The following CYP27A1 variants were observed in gnomAD, a reference collection of about 807,000 sequenced individuals.
The protein encoded by CYP27A1 is cytochrome P450 family 27 subfamily A member 1.
CYP27A1 carries 46 observed loss-of-function variants against 58.2 expected under a neutral mutation model. The ratio of observed to expected loss-of-function variants is 0.79; its 90% CI spans 0.62 to 1.01. CYP27A1 has a LOEUF of 1.01. Ranked by LOEUF, CYP27A1 falls within the 50% of genes least tolerant of loss-of-function variation. The pLI, the probability that CYP27A1 is intolerant of heterozygous loss-of-function variation, is 0.00. For synonymous variants in CYP27A1, 274 were observed against 285.1 expected (o/e 0.96, Z 0.39); for missense variants, 704 against 687.0 (o/e 1.02, Z -0.28).
In CYP27A1 at chr2:218,787,049, C is replaced by A. The variant is rs149516122; in HGVS notation, c.255+4612C>A. Among the ~76,000 whole-genome samples, 445 of 152,260 alleles carry A rather than the reference C, an allele frequency of 2.9e-3. 1 individual carries two copies. Among genetic ancestry groups the A allele is most frequent in the African/African-American group, 0.01 (426 of 41,550 alleles). Reference sequence around the variant, plus strand: ...CAAGCAATTCACCCACTTTGGCCTCCCAAAGTACTGGGATTATAGGCATAA... The same window carrying A: ...CAAGCAATTCACCCACTTTGGCCTCACAAAGTACTGGGATTATAGGCATAA... On this transcript the variant is annotated intron_variant, in intron 1 of 8. Transcript: ENST00000258415.
chr2:218,807,768 C>G (rs1943666318), intron 1 of CYP27A1, among the ~76,000 whole-genome samples: 1 of 150,822 alleles, frequency 6.6e-6, no homozygotes, highest in Admixed American at 6.6e-5. Context: ...ACTGCCATGC[C>G]CAGCGAATTT....
intron 1 of CYP27A1, among the ~76,000 whole-genome samples, chr2:218,793,858 TATGCGCCACC>T (rs1374558602): frequency 3.9e-5 from 6 of 151,916 alleles, no homozygotes; most frequent in Admixed American, 3.3e-4. Flanking sequence ...GGATTATAGG[TATGCGCCACC>T]ATGCTTGGCT....
In CYP27A1 at chr2:218,809,759, G is replaced by A. The variant is rs692003; in HGVS notation, c.438G>A (p.Pro146=). ...HRDQHDLTYG[P]FTTEGHHWYQ... ...ACCAGCACGACCTGACCTATGGGCC[G>A]TTCACCACGTGAGCTGGGGCCTGAA... The change falls in exon 2 of 9, where the codon CCG becomes CCA. Residue 146 remains proline (P), a synonymous_variant. Transcript: ENST00000258415. The A allele has an allele frequency of 0.012, 19,621 of 1,612,716 alleles. 2,007 individuals are homozygous for A. The African/African-American group carries it at 0.23, about 19-fold the overall frequency.
rs1943689541 is a variant in CYP27A1 at position 218,809,591 on chromosome 2, C to T, written c.270C>T (p.Ala90=). The T allele has an allele frequency of 2.5e-6, 4 of 1,614,080 alleles. No individual in the cohort carries two copies. Among genetic ancestry groups the T allele is most frequent in the Non-Finnish European group, 3.4e-6 (4 of 1,180,020 alleles). ...QLHQLQVLYK[A]KYGPMWMSYL... ...GAACTCCACAGGTGCTTTACAAGGCCAAGTACGGTCCAATGTGGATGTCCT... is the reference window on the plus strand; with the variant it reads ...GAACTCCACAGGTGCTTTACAAGGCTAAGTACGGTCCAATGTGGATGTCCT... Residue 90 remains alanine (A), a synonymous_variant, in exon 2 of 9, where the codon GCC becomes GCT. Coordinates refer to ENST00000258415, the MANE Select transcript of CYP27A1 (RefSeq NM_000784.4).
Position 218,813,066 on chromosome 2 carries a change from GC to G in CYP27A1, c.989del (p.Pro330LeufsTer15). ...GTCCTCGGGAGGCCATGGGCAGCCTGCCTGAGCTGCTCATGGCTGGAGTGGA... is the reference window on the plus strand; with the variant it reads ...GTCCTCGGGAGGCCATGGGCAGCCTGCTGAGCTGCTCATGGCTGGAGTGGA... ...LSPREAMGSL[P>X]ELLMAGVDTT... On this transcript the variant is annotated frameshift_variant, in exon 5 of 9. Coordinates refer to ENST00000258415, the MANE Select transcript of CYP27A1 (RefSeq NM_000784.4). LOFTEE classifies it high-confidence loss of function. 6.2e-7 allele frequency: 1 copy of G among 1,613,618 alleles called. No homozygotes were observed. The highest frequency in any genetic ancestry group is 1.1e-5 in the South Asian group (1 of 91,074).
chr2:218,800,985 G>T (rs866181048), intron 1 of CYP27A1, among the ~76,000 whole-genome samples: 1 of 152,012 alleles, frequency 6.6e-6, no homozygotes, highest in Non-Finnish European at 1.5e-5. Context: ...GGACCCTGTT[G>T]GTATACTTTT....
chr2:218,801,748 T>C (rs1943601706), intron 1 of CYP27A1, among the ~76,000 whole-genome samples: 1 of 152,130 alleles, frequency 6.6e-6, no homozygotes, highest in Non-Finnish European at 1.5e-5. Context: ...TATTTCTGTT[T>C]TTATGTCTAT....
intron 1 of CYP27A1, among the ~76,000 whole-genome samples, chr2:218,788,320 T>G (rs992908186): frequency 1.3e-5 from 2 of 152,248 alleles, no homozygotes; most frequent in Non-Finnish European, 2.9e-5. Context: ...ATGTACTGGC[T>G]TCCCCCAGAG....
intron 1 of CYP27A1, among the ~76,000 whole-genome samples, chr2:218,783,998 A>G (rs987488108): frequency 6.6e-6 from 1 of 152,142 alleles, no homozygotes; most frequent in African/African-American, 2.4e-5. Context: ...TGTGTGTAGT[A>G]GGAGAGGTGC....
At chr2:218,805,796 A>G (rs1249913334) in intron 1 of CYP27A1, 1 of 152,134 alleles carries the variant, frequency 6.6e-6, no homozygotes, top group Non-Finnish European at 1.5e-5. Flanking sequence ...GTTACGATCT[A>G]ATGGTAGGAT....
chr2:218,814,266 C>G, intron 6 of CYP27A1, 79 bp downstream of exon 6: 1 of 1,606,992 alleles, frequency 6.2e-7, no homozygotes, highest in Non-Finnish European at 8.5e-7. Flanking sequence ...GAAGTGAAGA[C>G]AGGTGGGCTG....
intron 2 of CYP27A1, 132 bp from the exon 3 acceptor site, chr2:218,812,090 T>C: frequency 1.4e-6 from 1 of 713,664 alleles, no homozygotes. Flanking sequence ...ATTCTATAAT[T>C]CTAAATTCTA....
chr2:218,786,221 A>G (rs1339838669), intron 1 of CYP27A1, among the ~76,000 whole-genome samples: 3 of 152,210 alleles, frequency 2.0e-5, no homozygotes, highest in Non-Finnish European at 4.4e-5. Context: ...TTGCCTATCC[A>G]TGAGCCCACG....
chr2:218,794,685 C>T (rs1356116209), intron 1 of CYP27A1, among the ~76,000 whole-genome samples: 1 of 152,068 alleles, frequency 6.6e-6, no homozygotes, highest in African/African-American at 2.4e-5. Flanking sequence ...TTAACTTTTC[C>T]CAGTTTGGAG....
intron 1 of CYP27A1, among the ~76,000 whole-genome samples, chr2:218,804,920 T>C (rs1943636016): frequency 6.6e-6 from 1 of 152,266 alleles, no homozygotes; most frequent in Non-Finnish European, 1.5e-5. Flanking sequence ...GGTTGGTTTC[T>C]GATGAGGGCT....
intron 1 of CYP27A1, among the ~76,000 whole-genome samples, chr2:218,801,239 CGTTG>C (rs987993534): frequency 2.6e-5 from 4 of 152,140 alleles, no homozygotes; most frequent in African/African-American, 9.7e-5. Flanking sequence ...TGGTGGCTCA[CGTTG>C]TTTGTAATAT....
intron 1 of CYP27A1, among the ~76,000 whole-genome samples, chr2:218,789,434 A>G (rs985852290): frequency 1.3e-4 from 20 of 152,234 alleles, no homozygotes; most frequent in South Asian, 8.3e-4. Flanking sequence ...ATGTGGTGGA[A>G]GAAGATGTAT....
intron 1 of CYP27A1, among the ~76,000 whole-genome samples, chr2:218,796,999 G>A (rs745925485): frequency 5.3e-5 from 8 of 152,212 alleles, no homozygotes; most frequent in Non-Finnish European, 1.0e-4. Flanking sequence ...ACAATTGTCT[G>A]TGAAAAACAA....
rs779794737 is a variant in CYP27A1 at position 218,812,998 on chromosome 2, G to T, written c.919G>T (p.Val307Leu). ...LQAAGPDGIQVSGYLHFLLAS... is the reference protein window; with the variant it reads ...LQAAGPDGIQLSGYLHFLLAS... Reference sequence around the variant, plus strand: ...GGCAGCAGGGCCAGATGGCATCCAGGTGTCTGGCTACCTGCACTTCTTACT... The same window carrying T: ...GGCAGCAGGGCCAGATGGCATCCAGTTGTCTGGCTACCTGCACTTCTTACT... Residue 307 changes from valine to leucine, a missense_variant, in exon 5 of 9, where the codon GTG becomes TTG. Physicochemically the swap from Val to Leu is conservative, Grantham distance 32. Transcript: ENST00000258415. The T allele has an allele frequency of 7.4e-6, 12 of 1,614,240 alleles. No homozygotes were observed. In the Admixed American group the frequency reaches 2.0e-4, roughly 27 times the overall value.
Sources: allele counts gnomAD v4.1 joint callset (sites outside exome capture counted in the v4.1 genomes callset), GRCh38; gene constraint gnomAD v4.1.1; transcripts MANE v1.5; gene names NCBI Gene and HGNC (gene_info 2026-07-23, HGNC 2026-07-21).